The following WWOX variants were observed in gnomAD, a reference collection of about 807,000 sequenced individuals.
The protein encoded by WWOX is WW domain-containing oxidoreductase.
A neutral mutation model predicts 46.2 loss-of-function variants in WWOX; 69 were observed. That is an observed-to-expected ratio of 1.49 (90% confidence interval 1.23 to 1.82). The LOEUF (loss-of-function observed/expected upper bound fraction) is 1.82. Among genes scored for constraint, WWOX ranks in the 40% most tolerant of loss-of-function variants. The pLI, the probability that WWOX is intolerant of heterozygous loss-of-function variation, is 0.00. For missense variants in WWOX, 919 were observed against 542.6 expected (o/e 1.69, Z -6.89); for synonymous variants, 359 against 202.6 (o/e 1.77, Z -6.56).
intron 8 of WWOX, among the ~76,000 whole-genome samples, chr16:78,797,843 C>T (rs1567567151): frequency 1.3e-5 from 2 of 152,190 alleles, no homozygotes; most frequent in Non-Finnish European, 2.9e-5. Context: ...CAAAAATTAG[C>T]TGCGCGTGGT....
intron 8 of WWOX, among the ~76,000 whole-genome samples, chr16:78,604,406 C>T (rs1235346479): frequency 6.6e-6 from 1 of 152,022 alleles, no homozygotes; most frequent in Non-Finnish European, 1.5e-5. Context: ...TCATGGAGCC[C>T]TTGTACCAAG....
chr16:78,670,399 G>T (rs1034361087), intron 8 of WWOX, among the ~76,000 whole-genome samples: 2 of 152,160 alleles, frequency 1.3e-5, no homozygotes, highest in African/African-American at 2.4e-5. Flanking sequence ...TATGAGCATT[G>T]CAGTGCCACA....
At chr16:78,870,748 C>A (rs2044109678) in intron 8 of WWOX, among the ~76,000 whole-genome samples, 2 of 152,122 alleles carry the variant, frequency 1.3e-5, no homozygotes, top group South Asian at 4.1e-4. Context: ...ATTACAGGTG[C>A]ATGCCACCAT....
At chr16:78,384,212 A>C (rs1225905347) in intron 5 of WWOX, among the ~76,000 whole-genome samples, 2 of 152,196 alleles carry the variant, frequency 1.3e-5, no homozygotes, top group African/African-American at 4.8e-5. Flanking sequence ...CCCCCTCCAC[A>C]GCATAATGAA....
chr16:78,499,996 G>A (rs2085021374), intron 8 of WWOX, among the ~76,000 whole-genome samples: 1 of 152,196 alleles, frequency 6.6e-6, no homozygotes, highest in Admixed American at 6.5e-5. Context: ...AAAGAAAGCA[G>A]TAGAGGGATG....
intron 8 of WWOX, among the ~76,000 whole-genome samples, chr16:78,906,296 A>G (rs2044962467): frequency 6.6e-6 from 1 of 152,194 alleles, no homozygotes; most frequent in Admixed American, 6.5e-5. Flanking sequence ...CTTGAGAGGA[A>G]AGCCTCTTGG....
intron 8 of WWOX, among the ~76,000 whole-genome samples, chr16:79,145,490 C>G (rs2050167434): frequency 6.6e-6 from 1 of 152,168 alleles, no homozygotes; most frequent in African/African-American, 2.4e-5. Context: ...TTATGAGCCA[C>G]CGCATCCAGC....
At chr16:79,109,134 A>G (rs1457808483) in intron 8 of WWOX, among the ~76,000 whole-genome samples, 2 of 152,062 alleles carry the variant, frequency 1.3e-5, no homozygotes, top group East Asian at 1.9e-4. Flanking sequence ...AATGAGAACA[A>G]TATAGAGGCA....
At position 78,283,377 on chromosome 16, in the gene WWOX, C is replaced by T. The variant is rs139841656; in HGVS notation, c.517-103483C>T. 1.7e-3 allele frequency among the ~76,000 whole-genome samples: 254 copies of T among 152,294 alleles called. 1 individual carries two copies. The highest frequency in any genetic ancestry group is 5.8e-3 in the African/African-American group (241 of 41,568). ...GACATCAAACCTTTCATCCCGCCCT[C>T]GGCCTCATACCTGCTTTCCACTCTG... On this transcript the variant is annotated intron_variant, in intron 5 of 8. Coordinates refer to ENST00000566780, the MANE Select transcript of WWOX (RefSeq NM_016373.4).
chr16:78,980,516 C>G (rs975890590), intron 8 of WWOX, among the ~76,000 whole-genome samples: 1 of 152,210 alleles, frequency 6.6e-6, no homozygotes, highest in African/African-American at 2.4e-5. Context: ...GCAATCCAGT[C>G]TCAATTAAAA....
chr16:79,009,848 G>A (rs182296357), intron 8 of WWOX, among the ~76,000 whole-genome samples: 14 of 152,302 alleles, frequency 9.2e-5, no homozygotes, highest in African/African-American at 3.1e-4. Context: ...TGGGGGCTTC[G>A]ACCTCATCTG....
chr16:78,402,355 G>T (rs950703994), intron 6 of WWOX, among the ~76,000 whole-genome samples: 1 of 152,132 alleles, frequency 6.6e-6, no homozygotes, highest in African/African-American at 2.4e-5. Context: ...ATGTAGATGT[G>T]CCATATTTGT....
chr16:79,165,876 C>T (rs1431267975), intron 8 of WWOX, among the ~76,000 whole-genome samples: 2 of 152,208 alleles, frequency 1.3e-5, no homozygotes, highest in Non-Finnish European at 2.9e-5. Context: ...AAGCACCCGT[C>T]CCTCTTCTAT....
intron 5 of WWOX, among the ~76,000 whole-genome samples, chr16:78,171,383 C>T (rs2035155724): frequency 6.6e-6 from 1 of 152,082 alleles, no homozygotes; most frequent in Non-Finnish European, 1.5e-5. Context: ...GTGGGAATTC[C>T]ATGCAATCTC....
intron 5 of WWOX, among the ~76,000 whole-genome samples, chr16:78,371,209 G>T (rs932773430): frequency 5.9e-5 from 9 of 152,120 alleles, no homozygotes; most frequent in African/African-American, 2.2e-4. Flanking sequence ...TTTAGCTGAA[G>T]GTGACATCAC....
chr16:78,899,026 C>G (rs1456909074), intron 8 of WWOX: 1 of 152,018 alleles, frequency 6.6e-6, no homozygotes, highest in African/African-American at 2.4e-5. Context: ...CTGTAGAATT[C>G]TCTACATCTC....
chr16:78,647,958 CGGT>C (rs1487106557), intron 8 of WWOX, among the ~76,000 whole-genome samples: 5 of 151,962 alleles, frequency 3.3e-5, no homozygotes, highest in African/African-American at 1.2e-4. Context: ...TTCATATGAA[CGGT>C]GGGCTTTTCT....
chr16:78,824,181 A>G (rs1415874541), intron 8 of WWOX, among the ~76,000 whole-genome samples: 1 of 152,232 alleles, frequency 6.6e-6, no homozygotes, highest in Non-Finnish European at 1.5e-5. Flanking sequence ...TATGAAGGTT[A>G]AAAATAACTC....
At chr16:78,926,412 C>A (rs574148697) in intron 8 of WWOX, among the ~76,000 whole-genome samples, 74 of 152,080 alleles carry the variant, frequency 4.9e-4, no homozygotes, top group African/African-American at 1.5e-3. Context: ...AAAGCCTGGC[C>A]CATGCAATTT....
Sources: gnomAD v4.1 joint callset for allele counts (sites outside exome capture counted in the v4.1 genomes callset) on GRCh38, gnomAD v4.1.1 for gene constraint, MANE v1.5 for transcripts, NCBI Gene and HGNC (gene_info 2026-07-23, HGNC 2026-07-21) for gene names.